Variants in SHISA9 observed in about 807,000 individuals in gnomAD.
The protein encoded by SHISA9 is protein shisa-9.
A neutral mutation model predicts 38.0 loss-of-function variants in SHISA9; 13 were observed. The ratio of observed to expected loss-of-function variants is 0.34; its 90% CI spans 0.22 to 0.54. SHISA9 has a LOEUF of 0.54. Ranked by LOEUF, SHISA9 falls within the 20% of genes least tolerant of loss-of-function variation. The pLI, the probability that SHISA9 is intolerant of heterozygous loss-of-function variation, is 0.91. For synonymous variants in SHISA9, 275 were observed against 242.0 expected, an observed-to-expected ratio of 1.14 and a Z score of -1.27; for missense variants, 538 against 575.8, an observed-to-expected ratio of 0.93 and a Z score of 0.67.
the SHISA9 span, among the ~76,000 whole-genome samples, chr16:13,487,706 A>G: frequency 1.3e-5 from 2 of 152,258 alleles, no homozygotes; most frequent in Non-Finnish European, 2.9e-5. Flanking sequence ...TACTAACATA[A>G]TGTAAATGCT....
At chr16:13,421,462 T>C in the SHISA9 span, among the ~76,000 whole-genome samples, 3 of 152,052 alleles carry the variant, frequency 2.0e-5, no homozygotes, top group Non-Finnish European at 2.9e-5. Flanking sequence ...AACCATCAGA[T>C]CTCGTGAGAC....
intron 2 of SHISA9, among the ~76,000 whole-genome samples, chr16:13,172,633 C>T (rs1165635192): frequency 6.6e-6 from 1 of 151,988 alleles, no homozygotes; most frequent in Non-Finnish European, 1.5e-5. Context: ...GAAGAGCCGT[C>T]GTTGAGTCTT....
chr16:13,395,612 A>C, the SHISA9 span, among the ~76,000 whole-genome samples: 3 of 152,228 alleles, frequency 2.0e-5, no homozygotes, highest in Non-Finnish European at 4.4e-5. Flanking sequence ...TAGCTTTTAA[A>C]TGTATGTCTA....
At chr16:13,341,428 G>T in the SHISA9 span, among the ~76,000 whole-genome samples, 1 of 152,060 alleles carries the variant, frequency 6.6e-6, no homozygotes, top group Non-Finnish European at 1.5e-5. Context: ...TCATGCTGCT[G>T]TAAGGAGATG....
chr16:12,960,877 C>G (rs777418171), intron 2 of SHISA9, among the ~76,000 whole-genome samples: 2 of 152,102 alleles, frequency 1.3e-5, no homozygotes, highest in Non-Finnish European at 2.9e-5. Flanking sequence ...ATGTGCCAAG[C>G]GCTTTATAGG....
Position 13,052,353 on chromosome 16 carries a change from A to G in SHISA9, c.691+135538A>G, listed in dbSNP as rs183948103. Among the ~76,000 whole-genome samples, 11 of 152,290 alleles carry G rather than the reference A, an allele frequency of 7.2e-5. No individual in the cohort carries two copies. The East Asian group carries it at 2.1e-3, about 29-fold the overall frequency. Reference sequence around the variant, plus strand: ...AACTCTTGGTGAACATGTCACCTGAAATATTTGGCTCTAAAGATGATTAAA... The same window carrying G: ...AACTCTTGGTGAACATGTCACCTGAGATATTTGGCTCTAAAGATGATTAAA... On this transcript the variant is annotated intron_variant, in intron 2 of 4. Transcript: ENST00000558583.
rs372117834 is a variant in SHISA9 at position 13,119,770 on chromosome 16, C to G, written c.692-83624C>G. Among the ~76,000 whole-genome samples, 60 of 152,270 alleles carry G rather than the reference C, an allele frequency of 3.9e-4. 2 individuals carry two copies. Among genetic ancestry groups the G allele is most frequent in the African/African-American group, 1.4e-3 (59 of 41,560 alleles). ...ACTGTTCGATGGATCTTACGTTTAG[C>G]TCAAGGTAAACATGTTACCAAGTTC... On this transcript the variant is annotated intron_variant, in intron 2 of 4. Transcript: ENST00000558583.
chr16:13,096,408 G>A (rs995237174), intron 2 of SHISA9, among the ~76,000 whole-genome samples: 1 of 152,098 alleles, frequency 6.6e-6, no homozygotes, highest in Non-Finnish European at 1.5e-5. Flanking sequence ...AGTGGTTAAA[G>A]CAATAATCAT....
chr16:13,013,673 T>G lies in SHISA9; in HGVS notation c.691+96858T>G, dbSNP rs532414063. Among the ~76,000 whole-genome samples, 262 of 152,340 alleles carry G rather than the reference T, an allele frequency of 1.7e-3. 2 individuals are homozygous for G. The highest frequency in any genetic ancestry group is 5.9e-3 in the African/African-American group (247 of 41,582). On this transcript the variant is annotated intron_variant, in intron 2 of 4. Transcript: ENST00000558583. ...GTCACATCCCTTCACTGGCCACTGC[T>G]TTGCCCAGGTGTGCTAGATCTAGAG...
At chr16:13,192,228 A>G (rs929586723) in intron 2 of SHISA9, among the ~76,000 whole-genome samples, 2 of 152,038 alleles carry the variant, frequency 1.3e-5, no homozygotes, top group African/African-American at 4.8e-5. Context: ...TGCAAAAGGG[A>G]GGTGGATGGG....
intron 2 of SHISA9, among the ~76,000 whole-genome samples, chr16:13,036,105 C>T (rs765330079): frequency 6.6e-6 from 1 of 152,192 alleles, no homozygotes; most frequent in Non-Finnish European, 1.5e-5. Context: ...TTAACCTGCC[C>T]TTACCATATG....
chr16:13,219,889 C>A (rs144245652), intron 4 of SHISA9, among the ~76,000 whole-genome samples: 1 of 152,002 alleles, frequency 6.6e-6, no homozygotes, highest in East Asian at 1.9e-4. Context: ...ACCCAGGAGG[C>A]GGAGGTTGCA....
chr16:12,971,729 T>G (rs1453944952), intron 2 of SHISA9, among the ~76,000 whole-genome samples: 1 of 152,076 alleles, frequency 6.6e-6, no homozygotes, highest in Non-Finnish European at 1.5e-5. Flanking sequence ...GTTGTAGGGG[T>G]GGATCTTTGG....
intron 2 of SHISA9, among the ~76,000 whole-genome samples, chr16:12,934,541 G>T (rs1420848144): frequency 6.6e-6 from 1 of 152,198 alleles, no homozygotes; most frequent in African/African-American, 2.4e-5. Context: ...CTGGAGAGAA[G>T]ACTTTGAAGA....
intron 2 of SHISA9, among the ~76,000 whole-genome samples, chr16:13,012,053 T>C (rs1364805149): frequency 1.3e-5 from 2 of 151,696 alleles, no homozygotes; most frequent in African/African-American, 2.4e-5. Flanking sequence ...CTCGAACTCC[T>C]GACCTCATGT....
At chr16:13,256,350 C>T in the SHISA9 span, among the ~76,000 whole-genome samples, 13 of 152,292 alleles carry the variant, frequency 8.5e-5, 1 homozygote, top group Admixed American at 6.5e-4. Flanking sequence ...GGTGCCACCT[C>T]GGCTCACCGC....
At chr16:12,923,702 G>T (rs530597367) in intron 2 of SHISA9, among the ~76,000 whole-genome samples, 1 of 151,896 alleles carries the variant, frequency 6.6e-6, no homozygotes, top group African/African-American at 2.4e-5. Context: ...TTAGCTGGGC[G>T]TGGTGGTGGG....
the SHISA9 span, among the ~76,000 whole-genome samples, chr16:13,434,673 G>C: frequency 2.6e-5 from 4 of 151,940 alleles, no homozygotes; most frequent in South Asian, 4.2e-4. Flanking sequence ...CCACCTCGGC[G>C]TCCCAAAGTG....
At chr16:13,419,153 A>G in the SHISA9 span, among the ~76,000 whole-genome samples, 1 of 152,246 alleles carries the variant, frequency 6.6e-6, no homozygotes, top group Non-Finnish European at 1.5e-5. Context: ...TCCAGGGTTT[A>G]GTATCTAATT....
Sources: allele counts gnomAD v4.1 joint callset (sites outside exome capture counted in the v4.1 genomes callset), GRCh38; gene constraint gnomAD v4.1.1; transcripts MANE v1.5; gene names NCBI Gene and HGNC (gene_info 2026-07-23, HGNC 2026-07-21).